Variants in TRDN observed in about 807,000 individuals in gnomAD.
TRDN encodes the protein triadin.
In TRDN, 161 loss-of-function variants were observed where a neutral mutation model predicts 149.7. That is an observed-to-expected ratio of 1.08 (90% CI 0.95 to 1.23). The LOEUF (loss-of-function observed/expected upper bound fraction) is 1.23, where lower values mean the gene tolerates loss of function less well. Ranked by LOEUF, TRDN falls within the 50% of genes most tolerant of loss-of-function variation. TRDN has a pLI of 0.00. For synonymous variants in TRDN, 294 were observed against 250.5 expected (o/e 1.17, Z -1.64); for missense variants, 896 against 823.5 (o/e 1.09, Z -1.08).
intron 23 of TRDN, among the ~76,000 whole-genome samples, chr6:123,319,114 A>C (rs1779145018): frequency 6.6e-6 from 1 of 152,116 alleles, no homozygotes; most frequent in Non-Finnish European, 1.5e-5. Flanking sequence ...AATGGAGAAA[A>C]TAATGTAAAA....
At position 123,547,340 on chromosome 6, in the gene TRDN, C is replaced by CT; in HGVS notation, c.423dup (p.Glu142ArgfsTer6). Reference sequence around the variant, plus strand: ...ATTATCAAAGGTGAAAACAACTAACCTTTTTTTCTCAAGGGAGGCTCATCT... The same window carrying CT: ...ATTATCAAAGGTGAAAACAACTAACCTTTTTTTTCTCAAGGGAGGCTCATCT... On this transcript the variant is annotated frameshift_variant and splice_region_variant, in exon 4 of 41. Transcript: ENST00000334268. LOFTEE classifies it high-confidence loss of function. 8.9e-6 allele frequency: 13 copies of CT among 1,454,374 alleles called. No individual in the cohort carries two copies. The highest frequency in any genetic ancestry group is 2.7e-5 in the East Asian group (1 of 37,570). The allele number at this position is 1,454,374 out of a possible 1,614,324, so 90.1% of individuals were successfully genotyped here. A position where few individuals can be genotyped will look rare whatever the true frequency, so the allele number is the denominator to read the frequency against.
In TRDN at chr6:123,359,417, T is replaced by G. The variant is rs531854816; in HGVS notation, c.1321+6718A>C. Among the ~76,000 whole-genome samples the G allele has an allele frequency of 3.3e-5, 5 of 152,286 alleles. No individual in the cohort carries two copies. The East Asian group carries it at 9.7e-4, about 29-fold the overall frequency. The stretch of plus-strand genomic sequence containing the variant: ...TATGGAAAACAGGGGAACAGAATAT[T>G]AAATTTTAAGTGGCTTATTCAGTTT... On this transcript the variant is annotated intron_variant, in intron 20 of 40. Coordinates refer to ENST00000334268, the MANE Select transcript of TRDN (RefSeq NM_006073.4).
intron 2 of TRDN, among the ~76,000 whole-genome samples, chr6:123,566,818 T>C (rs1203491418): frequency 6.6e-6 from 1 of 152,202 alleles, no homozygotes; most frequent in African/African-American, 2.4e-5. Flanking sequence ...GAAGCCATAA[T>C]TTATATAGTT....
chr6:123,558,309 G>A (rs983844503), intron 2 of TRDN, among the ~76,000 whole-genome samples: 1 of 151,934 alleles, frequency 6.6e-6, no homozygotes, highest in Non-Finnish European at 1.5e-5. Flanking sequence ...GCCAGGCTGA[G>A]CTAGGTCTCA....
chr6:123,573,492 A>C (rs954300409), intron 1 of TRDN, among the ~76,000 whole-genome samples: 11 of 152,118 alleles, frequency 7.2e-5, no homozygotes, highest in Non-Finnish European at 1.0e-4. Context: ...AGGCAGGATT[A>C]ACCTCGGAAA....
intron 1 of TRDN, among the ~76,000 whole-genome samples, chr6:123,608,749 G>T (rs192830325): frequency 6.6e-6 from 1 of 152,206 alleles, no homozygotes; most frequent in Admixed American, 6.5e-5. Flanking sequence ...TACGTTTTCT[G>T]GGGAAAATTT....
chr6:123,559,357 T>C lies in TRDN; in HGVS notation c.233-10745A>G, dbSNP rs572673272. On this transcript the variant is annotated intron_variant, in intron 2 of 40. Coordinates refer to ENST00000334268, the MANE Select transcript of TRDN (RefSeq NM_006073.4). ...ACAATACTCTTTTAAGCACTCCTTT[T>C]AATTATCCCCACCTGCCCAGTTCCC... 4.6e-5 allele frequency among the ~76,000 whole-genome samples: 7 copies of C among 152,282 alleles called. No individual in the cohort carries two copies. In the South Asian group the frequency reaches 1.5e-3, roughly 32 times the overall value.
chr6:123,557,392 C>T (rs966251702), intron 2 of TRDN, among the ~76,000 whole-genome samples: 1 of 152,112 alleles, frequency 6.6e-6, no homozygotes, highest in African/African-American at 2.4e-5. Context: ...CAAGGAACAC[C>T]TCACCAATTT....
intron 30 of TRDN, 46 bp from the exon 31 acceptor site, chr6:123,269,912 C>T: frequency 1.9e-6 from 3 of 1,578,318 alleles, no homozygotes; most frequent in African/African-American, 2.7e-5. Flanking sequence ...TGAGTACAAA[C>T]CATGGAAAAA....
At chr6:123,252,494 A>T (rs1421220772) in intron 37 of TRDN, 59 bp from the exon 38 acceptor site, 4 of 913,386 alleles carry the variant, frequency 4.4e-6, no homozygotes, top group Non-Finnish European at 6.6e-6. Flanking sequence ...GGAAATTATA[A>T]ATCAGTGGAC....
chr6:123,241,972 C>G (rs567006551), intron 38 of TRDN, among the ~76,000 whole-genome samples: 1 of 152,224 alleles, frequency 6.6e-6, no homozygotes, highest in South Asian at 2.1e-4. Flanking sequence ...TTTTGAGGAT[C>G]TAACAAACCT....
intron 1 of TRDN, among the ~76,000 whole-genome samples, chr6:123,585,323 T>C (rs1294394236): frequency 6.6e-6 from 1 of 151,902 alleles, no homozygotes; most frequent in African/African-American, 2.4e-5. Flanking sequence ...GAGTATTGTC[T>C]AATTTGGCAC....
intron 10 of TRDN, chr6:123,456,734 G>A (rs571073690): frequency 4.4e-6 from 2 of 450,440 alleles, no homozygotes; most frequent in South Asian, 3.1e-5. Flanking sequence ...CTCCCAAAGT[G>A]TTGGGGATTA....
intron 35 of TRDN, among the ~76,000 whole-genome samples, chr6:123,257,947 G>A (rs1318084838): frequency 6.6e-6 from 1 of 152,098 alleles, no homozygotes; most frequent in Non-Finnish European, 1.5e-5. Context: ...TCTATTATTG[G>A]TGTATAGGAT....
intron 10 of TRDN, among the ~76,000 whole-genome samples, chr6:123,460,477 A>C (rs1219293966): frequency 1.3e-5 from 2 of 152,100 alleles, no homozygotes; most frequent in Non-Finnish European, 2.9e-5. Flanking sequence ...ATATTTTATC[A>C]TAATTTGTAA....
In TRDN at chr6:123,571,281, C is replaced by A. The variant is rs181307617; in HGVS notation, c.23-149G>T. ...TAGTGGCAGGACAAAGCCTCCCTGC[C>A]CACTAGCACATTATCTTTTCCTCAG... is the stretch of plus-strand genomic sequence containing the variant. On this transcript the variant is annotated intron_variant, in intron 1 of 40. Coordinates refer to ENST00000334268, the MANE Select transcript of TRDN (RefSeq NM_006073.4). The A allele has an allele frequency of 1.1e-3, 814 of 744,390 alleles. 5 individuals carry two copies. In the African/African-American group the frequency reaches 0.013, roughly 11 times the overall value. 46.1% of individuals were successfully genotyped at this position (744,390 alleles called of 1,614,324 possible).
At chr6:123,344,886 TGA>T (rs1219459367) in intron 21 of TRDN, among the ~76,000 whole-genome samples, 3 of 152,034 alleles carry the variant, frequency 2.0e-5, no homozygotes, top group Admixed American at 2.0e-4. Context: ...AAGCAAAGAA[TGA>T]GAGTTTCTGT....
At chr6:123,321,877 G>T (rs9490728) in intron 23 of TRDN, among the ~76,000 whole-genome samples, 22,657 of 151,628 alleles carry the variant, frequency 0.15, 1,817 homozygotes, top group South Asian at 0.22. Context: ...AAAAAGACAA[G>T]ATTTCACTGC....
chr6:123,618,711 G>A (rs991940601), intron 1 of TRDN, among the ~76,000 whole-genome samples: 1 of 152,080 alleles, frequency 6.6e-6, no homozygotes, highest in African/African-American at 2.4e-5. Flanking sequence ...AAAATCCATG[G>A]CTCACAACCG....
Sources: allele counts gnomAD v4.1 joint callset (sites outside exome capture counted in the v4.1 genomes callset), GRCh38; gene constraint gnomAD v4.1.1; transcripts MANE v1.5; gene names NCBI Gene and HGNC (gene_info 2026-07-23, HGNC 2026-07-21).